ROBO1: variants seen among roughly 807,000 people sequenced by gnomAD.
ROBO1 encodes the protein roundabout guidance receptor 1.
A neutral mutation model predicts 195.9 loss-of-function variants in ROBO1; 149 were observed. That is an observed-to-expected ratio of 0.76 (90% confidence interval 0.67 to 0.87). The LOEUF (loss-of-function observed/expected upper bound fraction) is 0.87. Among genes scored for constraint, ROBO1 ranks in the 40% least tolerant of loss-of-function variants. ROBO1 has a pLI of 0.00. For synonymous variants in ROBO1, 816 were observed against 733.2 expected (o/e 1.11, Z -1.82); for missense variants, 1,933 against 2,068.3 (o/e 0.93, Z 1.27).
intron 2 of ROBO1, among the ~76,000 whole-genome samples, chr3:79,411,993 C>T (rs778014608): frequency 5.9e-5 from 9 of 152,048 alleles, no homozygotes; most frequent in Non-Finnish European, 1.2e-4. Context: ...GTTATCTCAG[C>T]CATCGAGAGC....
intron 11 of ROBO1, 65 bp from the exon 12 acceptor site, chr3:78,668,630 T>C: frequency 6.7e-7 from 1 of 1,485,976 alleles, no homozygotes; most frequent in South Asian, 1.2e-5. Context: ...GGAAAAGCAA[T>C]TACAGGTTTG....
At chr3:79,515,800 C>G (rs566709115) in intron 2 of ROBO1, among the ~76,000 whole-genome samples, 107 of 152,220 alleles carry the variant, frequency 7.0e-4, no homozygotes, top group African/African-American at 2.5e-3. Context: ...ATAAAATGTT[C>G]ATGCAACTTT....
At chr3:78,946,821 G>A (rs1005784397) in intron 3 of ROBO1, among the ~76,000 whole-genome samples, 1 of 152,122 alleles carries the variant, frequency 6.6e-6, no homozygotes, top group African/African-American at 2.4e-5. Flanking sequence ...TAAAGGGATG[G>A]AGAAAGATCT....
intron 3 of ROBO1, among the ~76,000 whole-genome samples, chr3:79,061,366 G>T (rs2078914167): frequency 6.6e-6 from 1 of 152,056 alleles, no homozygotes; most frequent in Non-Finnish European, 1.5e-5. Context: ...ACAAACAAAT[G>T]GAAGAACATT....
rs189743872 is a variant in ROBO1 at position 78,944,029 on chromosome 3, G to A, written c.173-5102C>T. On this transcript the variant is annotated intron_variant, in intron 3 of 30. Coordinates refer to ENST00000464233, the MANE Select transcript of ROBO1 (RefSeq NM_002941.4). ...TATAAAGTCTAAGCAGGAAGAAAAG[G>A]AATAGAAAAGAAAACCACTACTAAT... Among the ~76,000 whole-genome samples, 52 of 152,248 alleles carry A rather than the reference G, an allele frequency of 3.4e-4. No homozygotes were observed. The East Asian group carries it at 9.9e-3, about 29-fold the overall frequency.
intron 3 of ROBO1, among the ~76,000 whole-genome samples, chr3:79,063,310 C>G (rs1396825267): frequency 1.3e-5 from 2 of 151,928 alleles, no homozygotes. Context: ...CGGCAATACT[C>G]TTTCTCATTA....
At chr3:79,424,400 ACTC>A (rs201150604) in intron 2 of ROBO1, among the ~76,000 whole-genome samples, 1,950 of 150,090 alleles carry the variant, frequency 0.013, 37 homozygotes, top group African/African-American at 0.044. Flanking sequence ...GTTATTGTAT[ACTC>A]CTCAAGTGAA....
intron 2 of ROBO1, among the ~76,000 whole-genome samples, chr3:79,292,710 A>T (rs2032330485): frequency 6.6e-6 from 1 of 152,200 alleles, no homozygotes. Flanking sequence ...CCAGCCTTGC[A>T]TCCCAAGGAC....
At chr3:78,681,941 G>T (rs2107798946) in intron 10 of ROBO1, among the ~76,000 whole-genome samples, 1 of 152,218 alleles carries the variant, frequency 6.6e-6, no homozygotes, top group East Asian at 1.9e-4. Context: ...TAGGGCACGT[G>T]AGCAACACAG....
At chr3:78,874,047 T>C (rs1420423256) in intron 4 of ROBO1, among the ~76,000 whole-genome samples, 1 of 151,950 alleles carries the variant, frequency 6.6e-6, no homozygotes, top group Non-Finnish European at 1.5e-5. Flanking sequence ...TGACTTCAAT[T>C]ACTAACCTTA....
At chr3:79,310,229 G>A (rs2033417929) in intron 2 of ROBO1, among the ~76,000 whole-genome samples, 1 of 152,060 alleles carries the variant, frequency 6.6e-6, no homozygotes, top group African/African-American at 2.4e-5. Flanking sequence ...ATTAGTTCTG[G>A]GCCCAGCTCA....
intron 7 of ROBO1, among the ~76,000 whole-genome samples, 164 bp downstream of exon 7, chr3:78,717,111 G>T (rs2081920528): frequency 6.6e-6 from 1 of 152,150 alleles, no homozygotes. Flanking sequence ...CTCAGAGAAA[G>T]CAGGATGGCA....
At chr3:78,645,309 T>C in intron 21 of ROBO1, among the ~76,000 whole-genome samples, 1 of 152,094 alleles carries the variant, frequency 6.6e-6, no homozygotes, top group Non-Finnish European at 1.5e-5. Context: ...ATCTTACTCA[T>C]TGTTATCTTT....
chr3:79,500,077 A>C (rs1178046351), intron 2 of ROBO1, among the ~76,000 whole-genome samples: 1 of 141,244 alleles, frequency 7.1e-6, no homozygotes. Flanking sequence ...CAAAGTGCTG[A>C]GATTACAGTC....
At chr3:79,485,809 CT>C (rs34856041) in intron 2 of ROBO1, among the ~76,000 whole-genome samples, 12,026 of 152,210 alleles carry the variant, frequency 0.079, 490 homozygotes, top group East Asian at 0.15. Flanking sequence ...TCTCTAACAC[CT>C]TACTGTCCGA....
At chr3:79,558,327 A>G (rs1942787086) in intron 2 of ROBO1, among the ~76,000 whole-genome samples, 1 of 152,174 alleles carries the variant, frequency 6.6e-6, no homozygotes, top group African/African-American at 2.4e-5. Context: ...ATGATAATCC[A>G]CTTACACTTA....
intron 4 of ROBO1, among the ~76,000 whole-genome samples, chr3:78,749,860 A>G (rs981664706): frequency 2.0e-5 from 3 of 152,092 alleles, no homozygotes; most frequent in African/African-American, 2.4e-5. Flanking sequence ...ATGTTTCTTG[A>G]TTTGAATCGT....
chr3:79,702,554 C>CT (rs1947650103), intron 1 of ROBO1, among the ~76,000 whole-genome samples: 1 of 151,902 alleles, frequency 6.6e-6, no homozygotes, highest in Admixed American at 6.6e-5. Flanking sequence ...TTCCTTCCCT[C>CT]TTCAGGCATT....
intron 4 of ROBO1, among the ~76,000 whole-genome samples, chr3:78,931,236 CTTTT>C (rs71127369): frequency 1.3e-4 from 10 of 79,226 alleles, no homozygotes; most frequent in African/African-American, 2.7e-4. Context: ...TTCTTTCTTT[CTTTT>C]TTTTTTTTTT....
Sources: allele counts gnomAD v4.1 joint callset (sites outside exome capture counted in the v4.1 genomes callset), GRCh38; gene constraint gnomAD v4.1.1; transcripts MANE v1.5; gene names NCBI Gene and HGNC (gene_info 2026-07-23, HGNC 2026-07-21).